Variants in RFX6 observed in about 807,000 individuals in gnomAD.
RFX6 encodes the protein DNA-binding protein RFX6.
RFX6 carries 50 observed loss-of-function variants against 110.8 expected under a neutral mutation model. The observed-to-expected ratio is 0.45, with a 90% CI of 0.36 to 0.57. The LOEUF (loss-of-function observed/expected upper bound fraction) is 0.57, where lower values mean the gene tolerates loss of function less well. RFX6 is among the 20% of genes least tolerant of loss of function. The pLI is 0.00. For synonymous variants in RFX6, 383 were observed against 411.2 expected (o/e 0.93, Z 0.83); for missense variants, 990 against 1,127.0 (o/e 0.88, Z 1.74).
Position 116,923,659 on chromosome 6 carries a change from G to A in RFX6, c.1555+435G>A, listed in dbSNP as rs149436704. On this transcript the variant is annotated intron_variant, in intron 14 of 18. Coordinates refer to ENST00000332958, the MANE Select transcript of RFX6 (RefSeq NM_173560.4). ...CAAAGTTATTATTCATTGCAATACG[G>A]CAAATTTCTGCAGCTTTTCTGAGCA... is the stretch of plus-strand genomic sequence containing the variant. The A allele has an allele frequency of 1.1e-3, 205 of 192,130 alleles. 1 individual carries two copies. Among genetic ancestry groups the A allele is most frequent in the Non-Finnish European group, 1.5e-3 (134 of 91,682 alleles). 11.9% of individuals were successfully genotyped at this position (192,130 alleles called of 1,614,324 possible). A position where few individuals can be genotyped will look rare whatever the true frequency, so the allele number is the denominator to read the frequency against.
At chr6:116,899,107 A>G (rs1054621410) in intron 6 of RFX6, among the ~76,000 whole-genome samples, 2 of 152,212 alleles carry the variant, frequency 1.3e-5, no homozygotes, top group African/African-American at 4.8e-5. Flanking sequence ...TTTAAATGGC[A>G]TGAGCCAGAA....
chr6:116,895,154 A>T, intron 5 of RFX6, 26 bp from the exon 6 acceptor site: 4 of 1,354,516 alleles, frequency 3.0e-6, no homozygotes, highest in Non-Finnish European at 4.2e-6. Flanking sequence ...TGTTTGAACT[A>T]ATGGAAAATG....
At chr6:116,924,598 CCTTTCCTTCTCTTTCT>C in intron 14 of RFX6, 55 bp from the exon 15 acceptor site, 1 of 1,367,576 alleles carries the variant, frequency 7.3e-7, no homozygotes. Flanking sequence ...CTTCTCTTTC[CCTTTCCTTCTCTTTCT>C]CTCCCCTTTT....
chr6:116,911,635 G>A lies in RFX6; in HGVS notation c.780+593G>A, dbSNP rs531676419. 1.2e-4 allele frequency among the ~76,000 whole-genome samples: 19 copies of A among 152,144 alleles called. No homozygotes were observed. The South Asian group carries it at 3.9e-3, about 32-fold the overall frequency. On this transcript the variant is annotated intron_variant, in intron 7 of 18. Transcript: ENST00000332958. Reference sequence around the variant, plus strand: ...GTAATAGCGTGTAAACTATATCTTCGATTTCTGTACTTCTAAAGTCATTTG... The same window carrying A: ...GTAATAGCGTGTAAACTATATCTTCAATTTCTGTACTTCTAAAGTCATTTG...
At chr6:116,918,817 T>C (rs1775530110) in intron 10 of RFX6, among the ~76,000 whole-genome samples, 1 of 152,134 alleles carries the variant, frequency 6.6e-6, no homozygotes, top group Non-Finnish European at 1.5e-5. Context: ...AATAATGTCT[T>C]TTAATTATCA....
intron 18 of RFX6, among the ~76,000 whole-genome samples, chr6:116,930,621 A>G (rs556228740): frequency 6.6e-6 from 1 of 152,308 alleles, no homozygotes; most frequent in African/African-American, 2.4e-5. Context: ...GAAACATTTG[A>G]GTTGAAAGCT....
chr6:116,900,438 A>G (rs2114678355), intron 6 of RFX6, among the ~76,000 whole-genome samples: 1 of 152,188 alleles, frequency 6.6e-6, no homozygotes. Flanking sequence ...TGTTTTTAGT[A>G]GAGTCGGGGT....
chr6:116,925,965 C>CA (rs1485606206), intron 16 of RFX6, among the ~76,000 whole-genome samples: 1 of 151,842 alleles, frequency 6.6e-6, no homozygotes, highest in Non-Finnish European at 1.5e-5. Flanking sequence ...CTTTGAAGAT[C>CA]AAAAAAATGG....
chr6:116,891,528 C>T (rs1024946133), intron 4 of RFX6, among the ~76,000 whole-genome samples: 2 of 152,186 alleles, frequency 1.3e-5, no homozygotes, highest in African/African-American at 4.8e-5. Flanking sequence ...GCAAAAAGAA[C>T]ATGAAATTAC....
chr6:116,922,765 T>G (rs768050763), intron 13 of RFX6, among the ~76,000 whole-genome samples: 1 of 152,182 alleles, frequency 6.6e-6, no homozygotes, highest in Non-Finnish European at 1.5e-5. Flanking sequence ...AGTTAATCAT[T>G]CACAAAAATA....
In RFX6 at chr6:116,927,417, C is replaced by G. The variant is rs779570252; in HGVS notation, c.2276C>G (p.Pro759Arg). Residue 759 changes from proline to arginine, a missense_variant, in exon 17 of 19, where the codon CCA becomes CGA. Coordinates refer to ENST00000332958, the MANE Select transcript of RFX6 (RefSeq NM_173560.4). ...TCCCGGCCACCGTCTAGCTATGGCCCATCCCTGCAAGCCCAGGATTCACAC... is the reference window on the plus strand; with the variant it reads ...TCCCGGCCACCGTCTAGCTATGGCCGATCCCTGCAAGCCCAGGATTCACAC... Reference protein sequence around the residue: ...YNSRPPSSYGPSLQAQDSHNM... With the variant: ...YNSRPPSSYGRSLQAQDSHNM... 3 of 1,614,130 alleles carry G rather than the reference C, an allele frequency of 1.9e-6. No homozygotes were observed. Among genetic ancestry groups the G allele is most frequent in the East Asian group, 4.5e-5 (2 of 44,880 alleles).
intron 5 of RFX6, among the ~76,000 whole-genome samples, chr6:116,894,624 A>G (rs1420157148): frequency 6.6e-6 from 1 of 151,422 alleles, no homozygotes; most frequent in African/African-American, 2.4e-5. Context: ...TCATGGGGAT[A>G]TTAGTAAGTG....
At chr6:116,911,121 C>T (rs1775340688) in intron 7 of RFX6, 79 bp downstream of exon 7, 7 of 975,426 alleles carry the variant, frequency 7.2e-6, no homozygotes, top group Admixed American at 5.3e-5. Context: ...TTTCATGGTA[C>T]TGCAGGAAGC....
At chr6:116,926,745 C>A (rs1775744331) in intron 16 of RFX6, among the ~76,000 whole-genome samples, 1 of 152,156 alleles carries the variant, frequency 6.6e-6, no homozygotes, top group Admixed American at 6.5e-5. Context: ...AGCAGACACA[C>A]ATGTCCTCCC....
chr6:116,914,180 T>C (rs938464236), intron 7 of RFX6, among the ~76,000 whole-genome samples: 1 of 152,202 alleles, frequency 6.6e-6, no homozygotes. Flanking sequence ...GATCATGTGA[T>C]ATTTGTCTTT....
chr6:116,896,098 T>C (rs1225311364), intron 6 of RFX6, among the ~76,000 whole-genome samples: 1 of 152,160 alleles, frequency 6.6e-6, no homozygotes, highest in African/African-American at 2.4e-5. Context: ...ACTGCAAAAA[T>C]ATTGACTTAG....
At position 116,924,763 on chromosome 6, in the gene RFX6, T is replaced by C. The variant is rs1357558874; in HGVS notation, c.1650T>C (p.Asn550=). ...ATGACAAAGAGCAGGAGTTACAGAA[T>C]TTATTGGACAAGTATATGAAGAATT... ...FNNDKEQELQ[N]LLDKYMKNSD... The change falls in exon 15 of 19, where the codon AAT becomes AAC. Residue 550 remains asparagine (N), a synonymous_variant. Coordinates refer to ENST00000332958, the MANE Select transcript of RFX6 (RefSeq NM_173560.4). 1 of 1,591,490 alleles carries C rather than the reference T, an allele frequency of 6.3e-7. No individual in the cohort carries two copies. The highest frequency in any genetic ancestry group is 8.6e-7 in the Non-Finnish European group (1 of 1,159,420).
At chr6:116,903,767 T>C (rs1309411930) in intron 6 of RFX6, among the ~76,000 whole-genome samples, 1 of 152,114 alleles carries the variant, frequency 6.6e-6, no homozygotes, top group African/African-American at 2.4e-5. Context: ...TTAATGCTGA[T>C]ATATGAAGTT....
intron 4 of RFX6, among the ~76,000 whole-genome samples, chr6:116,883,452 T>G (rs1774635754): frequency 6.6e-6 from 1 of 152,156 alleles, no homozygotes; most frequent in Non-Finnish European, 1.5e-5. Context: ...GGCCACATAT[T>G]TAATTCAAAA....
Sources: gnomAD v4.1 joint callset for allele counts (sites outside exome capture counted in the v4.1 genomes callset) on GRCh38, gnomAD v4.1.1 for gene constraint, MANE v1.5 for transcripts, NCBI Gene and HGNC (gene_info 2026-07-23, HGNC 2026-07-21) for gene names.